Variants in RABGAP1L observed in about 807,000 individuals in gnomAD.
The protein encoded by RABGAP1L is rab GTPase-activating protein 1-like.
RABGAP1L carries 63 observed loss-of-function variants against 137.7 expected under a neutral mutation model. The ratio of observed to expected loss-of-function variants is 0.46; its 90% CI spans 0.37 to 0.56. The LOEUF (loss-of-function observed/expected upper bound fraction) is 0.56. Ranked by LOEUF, RABGAP1L falls within the 20% of genes least tolerant of loss-of-function variation. The probability of loss-of-function intolerance (pLI) is 0.00; values close to 1 mark genes in which losing one functional copy is unlikely to be tolerated. For synonymous variants in RABGAP1L, 431 were observed against 433.7 expected (o/e 0.99, Z 0.08); for missense variants, 1,095 against 1,244.0 (o/e 0.88, Z 1.80).
rs530610651 is a variant in RABGAP1L at position 174,250,613 on chromosome 1, G to A, written c.856G>A (p.Asp286Asn). Residue 286 changes from aspartate (D) to asparagine (N), a missense_variant, in exon 6 of 26, where the codon GAT becomes AAT. Physicochemically the swap from Asp to Asn is conservative, Grantham distance 23. This residue lies in a region of RABGAP1L where 112 missense variants were observed against 157.3 expected (regional missense o/e 0.71). Coordinates refer to ENST00000681986, the MANE Select transcript of RABGAP1L (RefSeq NM_001366446.1). ...TGTCTCCTTGGAGGTAAAAGAAGACGATGGAAAAGGAAACTTTAGGTGAGG... is the reference window on the plus strand; with the variant it reads ...TGTCTCCTTGGAGGTAAAAGAAGACAATGGAAAAGGAAACTTTAGGTGAGG... ...FSVSLEVKED[D>N]GKGNFSPVPK... The A allele has an allele frequency of 7.4e-6, 12 of 1,612,802 alleles. No homozygotes were observed. The highest frequency in any genetic ancestry group is 9.3e-6 in the Non-Finnish European group (11 of 1,179,596).
At chr1:174,524,274 G>A (rs547923962) in intron 13 of RABGAP1L, among the ~76,000 whole-genome samples, 29 of 151,792 alleles carry the variant, frequency 1.9e-4, no homozygotes, top group Admixed American at 2.6e-4. Context: ...TACCAACAGC[G>A]TATAAGAGTT....
intron 13 of RABGAP1L, among the ~76,000 whole-genome samples, chr1:174,484,365 T>A (rs1017699998): frequency 5.3e-5 from 8 of 152,232 alleles, no homozygotes; most frequent in Non-Finnish European, 1.2e-4. Flanking sequence ...TTGCTTGACT[T>A]TGTACATTGT....
intron 19 of RABGAP1L, among the ~76,000 whole-genome samples, chr1:174,829,083 C>G (rs1691854970): frequency 6.8e-6 from 1 of 147,778 alleles, no homozygotes; most frequent in Admixed American, 6.8e-5. Flanking sequence ...TAGTTTCTCT[C>G]ATTGTGAGGT....
At position 174,550,857 on chromosome 1, in the gene RABGAP1L, A is replaced by AATATATATATATAT. The variant is rs1216100934; in HGVS notation, c.1711-86492_1711-86479dup. 2.3e-3 allele frequency among the ~76,000 whole-genome samples: 140 copies of AATATATATATATAT among 61,796 alleles called. 1 individual carries two copies. Among genetic ancestry groups the AATATATATATATAT allele is most frequent in the South Asian group, 3.2e-3 (5 of 1,578 alleles). 40.5% of individuals were successfully genotyped at this position (61,796 alleles called of 152,430 possible). A position where few individuals can be genotyped will look rare whatever the true frequency, so the allele number is the denominator to read the frequency against. On this transcript the variant is annotated intron_variant, in intron 13 of 25. Coordinates refer to ENST00000681986, the MANE Select transcript of RABGAP1L (RefSeq NM_001366446.1). ...ACACGGTGAAACCCCGTCTCTGCTA[A>AATATATATATATAT]ATATATATATATATATATATATATA...
chr1:174,677,041 G>A (rs1216875332), intron 14 of RABGAP1L, among the ~76,000 whole-genome samples: 1 of 151,942 alleles, frequency 6.6e-6, no homozygotes, highest in Admixed American at 6.5e-5. Flanking sequence ...CAGGGAAGTG[G>A]CCAGATGGGG....
chr1:174,405,955 G>T (rs1408935601), intron 13 of RABGAP1L, among the ~76,000 whole-genome samples: 1 of 151,948 alleles, frequency 6.6e-6, no homozygotes, highest in Non-Finnish European at 1.5e-5. Flanking sequence ...TCCAGCCTGG[G>T]TGACAGAGTG....
chr1:174,539,869 C>T (rs1665223260), intron 13 of RABGAP1L, among the ~76,000 whole-genome samples: 1 of 152,250 alleles, frequency 6.6e-6, no homozygotes, highest in African/African-American at 2.4e-5. Flanking sequence ...AATCGCCACA[C>T]TGTCTTCCAC....
chr1:174,264,863 C>G (rs753846567), intron 7 of RABGAP1L, among the ~76,000 whole-genome samples: 7 of 151,600 alleles, frequency 4.6e-5, no homozygotes, highest in Non-Finnish European at 7.4e-5. Context: ...AAATGACAAT[C>G]GAGAGAAAAA....
At chr1:174,550,895 T>TATATACAC (rs1456087584) in intron 13 of RABGAP1L, among the ~76,000 whole-genome samples, 43 of 50,940 alleles carry the variant, frequency 8.4e-4, no homozygotes, top group Non-Finnish European at 1.3e-3. Flanking sequence ...TATATATATA[T>TATATACAC]ACACACACAC....
At chr1:174,373,658 G>C (rs977514057) in intron 12 of RABGAP1L, among the ~76,000 whole-genome samples, 1 of 152,170 alleles carries the variant, frequency 6.6e-6, no homozygotes, top group Non-Finnish European at 1.5e-5. Flanking sequence ...ATTGGTGCTG[G>C]TACTTGTTAG....
chr1:174,216,388 G>C (rs1669320965), intron 1 of RABGAP1L, among the ~76,000 whole-genome samples: 1 of 152,082 alleles, frequency 6.6e-6, no homozygotes, highest in South Asian at 2.1e-4. Context: ...TCATGCCTAT[G>C]TAAAAGTATC....
intron 13 of RABGAP1L, among the ~76,000 whole-genome samples, chr1:174,476,363 A>G (rs1353157159): frequency 6.6e-6 from 1 of 152,202 alleles, no homozygotes; most frequent in Non-Finnish European, 1.5e-5. Context: ...AAATTTGAAT[A>G]TGTTTTTACA....
At chr1:174,336,595 C>G (rs1681486937) in intron 11 of RABGAP1L, among the ~76,000 whole-genome samples, 2 of 152,132 alleles carry the variant, frequency 1.3e-5, no homozygotes, top group Admixed American at 1.3e-4. Flanking sequence ...TAAAACGAAG[C>G]TTTATTTTAT....
At chr1:174,749,217 A>C (rs1470072108) in intron 17 of RABGAP1L, among the ~76,000 whole-genome samples, 1 of 152,002 alleles carries the variant, frequency 6.6e-6, no homozygotes, top group African/African-American at 2.4e-5. Context: ...CAGTCAATAC[A>C]TGTGATGTGA....
chr1:174,901,601 A>C (rs57512007), intron 19 of RABGAP1L, among the ~76,000 whole-genome samples: 23,541 of 152,104 alleles, frequency 0.15, 6,004 homozygotes, highest in African/African-American at 0.53. Context: ...CAGCCAAACC[A>C]TATCAGGTTA....
chr1:174,957,700 A>G, intron 20 of RABGAP1L, 151 bp downstream of exon 20: 1 of 869,970 alleles, frequency 1.1e-6, no homozygotes, highest in Non-Finnish European at 1.9e-6. Flanking sequence ...TACAGGCACG[A>G]GCCACCATTC....
intron 13 of RABGAP1L, among the ~76,000 whole-genome samples, chr1:174,612,414 T>C (rs1671344374): frequency 6.6e-6 from 1 of 152,208 alleles, no homozygotes; most frequent in Non-Finnish European, 1.5e-5. Flanking sequence ...GCCCACTTGA[T>C]CATGGTGGAT....
chr1:174,400,566 T>C (rs2149100127), intron 13 of RABGAP1L, among the ~76,000 whole-genome samples: 1 of 152,330 alleles, frequency 6.6e-6, no homozygotes, highest in Non-Finnish European at 1.5e-5. Flanking sequence ...TATAGCCTTA[T>C]ATTGTGTTAG....
intron 13 of RABGAP1L, among the ~76,000 whole-genome samples, chr1:174,417,447 TA>T (rs1271165216): frequency 6.6e-6 from 1 of 152,148 alleles, no homozygotes; most frequent in East Asian, 1.9e-4. Flanking sequence ...TTTTAATAGG[TA>T]GATGCAGTTC....
Sources: gnomAD v4.1 joint callset for allele counts (sites outside exome capture counted in the v4.1 genomes callset) on GRCh38, gnomAD v4.1.1 for gene constraint, gnomAD v4.1.1 regional missense constraint, MANE v1.5 for transcripts, NCBI Gene and HGNC (gene_info 2026-07-23, HGNC 2026-07-21) for gene names.